Variants in EVC2 observed in about 807,000 individuals in gnomAD.
EVC2 encodes the protein EvC ciliary complex subunit 2, also known as limbin.
Under a neutral mutation model 149.3 loss-of-function variants are expected in EVC2, and 148 were observed. The ratio of observed to expected loss-of-function variants is 0.99; its 90% confidence interval spans 0.87 to 1.14. The LOEUF is 1.14. Among genes scored for constraint, EVC2 ranks in the 50% most tolerant of loss-of-function variants. The pLI, the probability that EVC2 is intolerant of heterozygous loss-of-function variation, is 0.00. For missense variants in EVC2, 1,854 were observed against 1,627.3 expected (o/e 1.14, Z -2.40); for synonymous variants, 776 against 649.9 (o/e 1.19, Z -2.95).
chr4:5,652,477 T>C (rs1577210065), intron 9 of EVC2, among the ~76,000 whole-genome samples: 1 of 152,136 alleles, frequency 6.6e-6, no homozygotes, highest in Non-Finnish European at 1.5e-5. Context: ...ACAAAGTGGG[T>C]GGCTTCAACC....
chr4:5,538,606 A>G (rs896104544), downstream of EVC2, among the ~76,000 whole-genome samples: 2 of 152,190 alleles, frequency 1.3e-5, no homozygotes, highest in Non-Finnish European at 2.9e-5. Context: ...AATAGATTGC[A>G]AAAAAGAATA....
intron 16 of EVC2, among the ~76,000 whole-genome samples, chr4:5,612,764 T>C (rs188158870): frequency 1.2e-4 from 18 of 151,344 alleles, no homozygotes; most frequent in African/African-American, 4.1e-4. Context: ...CTACTAAAAA[T>C]ACAAAAAATT....
intron 9 of EVC2, among the ~76,000 whole-genome samples, chr4:5,662,442 T>A (rs1333630218): frequency 6.8e-6 from 1 of 146,944 alleles, no homozygotes; most frequent in Non-Finnish European, 1.5e-5. Context: ...GTTTATTGAA[T>A]AAACTAATTA....
intron 16 of EVC2, among the ~76,000 whole-genome samples, chr4:5,593,825 G>T (rs1461581595): frequency 6.6e-6 from 1 of 152,164 alleles, no homozygotes; most frequent in Non-Finnish European, 1.5e-5. Context: ...GTCAAAGAAA[G>T]GGGTGACAGA....
rs1238785579 is a variant in EVC2, at chr4:5,689,256, G to C, written c.607C>G (p.Leu203Val). ...CCAGCAATGCTGTCCAGCAAGAGCA[G>C]CTCCGAGAGGTTGGCTGACGAGGTT... ...KTTSSANLSE[L>V]LLLDSIAGLT... Residue 203 changes from leucine to valine, a missense_variant, in exon 5 of 22, where the codon CTG becomes GTG. Coordinates refer to ENST00000344408, the MANE Select transcript of EVC2 (RefSeq NM_147127.5). The C allele has an allele frequency of 6.2e-7, 1 of 1,614,266 alleles. No homozygotes were observed. The highest frequency in any genetic ancestry group is 1.1e-5 in the South Asian group (1 of 91,084).
rs1431034990 is a variant in EVC2 at position 5,637,422 on chromosome 4, C to T, written c.1470+3092G>A. The stretch of plus-strand genomic sequence containing the variant: ...TGTCAAAGTGAGATCCTCTCAGTCC[C>T]TACCTCACTGAGTTGTTGTGAACGC... On this transcript the variant is annotated intron_variant, in intron 10 of 21. Coordinates refer to ENST00000344408, the MANE Select transcript of EVC2 (RefSeq NM_147127.5). The surrounding 1 kb of genome is among the most constrained non-coding windows in gnomAD (Gnocchi z 4.4). 6.6e-6 allele frequency among the ~76,000 whole-genome samples: 1 copy of T among 152,156 alleles called. No individual in the cohort carries two copies. The highest frequency in any genetic ancestry group is 1.9e-4 in the East Asian group (1 of 5,182).
chr4:5,640,628 C>T lies in EVC2; in HGVS notation c.1356G>A (p.Val452=), dbSNP rs1323744449. The part of the protein sequence containing the change: ...EIQEEYDRKM[V]ALTAECDLET... ...CCAGGTCACATTCAGCTGTCAATGC[C>T]ACCATCTTCCGATCGTACTCCTCTT... Residue 452 remains valine, a synonymous_variant, in exon 10 of 22, where the codon GTG becomes GTA. Coordinates refer to ENST00000344408, the MANE Select transcript of EVC2 (RefSeq NM_147127.5). The surrounding 1 kb of genome is among the most constrained non-coding windows in gnomAD (Gnocchi z 4.6). 1.2e-6 allele frequency: 2 copies of T among 1,614,062 alleles called. No individual in the cohort carries two copies. The highest frequency in any genetic ancestry group is 1.1e-5 in the South Asian group (1 of 91,062).
At chr4:5,632,825 C>T (rs1716650418) in intron 10 of EVC2, among the ~76,000 whole-genome samples, 1 of 152,122 alleles carries the variant, frequency 6.6e-6, no homozygotes, top group African/African-American at 2.4e-5. Flanking sequence ...GATATTATCT[C>T]AGAGGGAGCT....
At position 5,614,935 on chromosome 4, in the gene EVC2, C is replaced by A. The variant is rs538500715; in HGVS notation, c.2829+487G>T. Reference sequence around the variant, plus strand: ...GAGGTTGCAGTGAGCCGAGATCACACCACTGCACTCCAGCCTGGGTGACAG... The same window carrying A: ...GAGGTTGCAGTGAGCCGAGATCACAACACTGCACTCCAGCCTGGGTGACAG... On this transcript the variant is annotated intron_variant, in intron 16 of 21. Transcript: ENST00000344408. The surrounding 1 kb of genome is among the most constrained non-coding windows in gnomAD (Gnocchi z 4.7). Among the ~76,000 whole-genome samples the A allele has an allele frequency of 2.9e-4, 44 of 152,226 alleles. No individual in the cohort carries two copies. The Middle Eastern group carries it at 0.014, about 47-fold the overall frequency.
downstream of EVC2, among the ~76,000 whole-genome samples, chr4:5,541,680 C>T (rs1422873731): frequency 3.9e-5 from 6 of 152,150 alleles, no homozygotes; most frequent in African/African-American, 1.4e-4. Context: ...TCCCAGGCCT[C>T]GCAGTGCCTC....
rs192620840 is a variant in EVC2, at chr4:5,662,424, G to C, written c.1145+683C>G. ...AAAATAAATAAAAAAATTGTTATTA[G>C]TTCAATAGTTTATTGAATAAACTAA... On this transcript the variant is annotated intron_variant, in intron 9 of 21. Coordinates refer to ENST00000344408, the MANE Select transcript of EVC2 (RefSeq NM_147127.5). Among the ~76,000 whole-genome samples the C allele has an allele frequency of 1.1e-3, 167 of 146,256 alleles. 1 individual carries two copies. Among genetic ancestry groups the C allele is most frequent in the Non-Finnish European group, 1.5e-4 (10 of 67,116 alleles).
At chr4:5,534,818 G>GAAAA in the EVC2 span, among the ~76,000 whole-genome samples, 36 of 66,672 alleles carry the variant, frequency 5.4e-4, no homozygotes, top group Admixed American at 1.0e-3. Flanking sequence ...CATCTGGTAG[G>GAAAA]AAAAAAAAAA....
At chr4:5,697,932 T>C in intron 1 of EVC2, among the ~76,000 whole-genome samples, 1 of 151,926 alleles carries the variant, frequency 6.6e-6, no homozygotes, top group East Asian at 1.9e-4. Context: ...TTTGTATTTT[T>C]AGTAGAGACG....
At chr4:5,682,176 T>TCAG (rs1720390986) in intron 6 of EVC2, among the ~76,000 whole-genome samples, 2 of 152,034 alleles carry the variant, frequency 1.3e-5, no homozygotes, top group African/African-American at 4.8e-5. Context: ...AGTAGTAACA[T>TCAG]TAGCAGCAGC....
chr4:5,641,523 T>C (rs916155393), intron 9 of EVC2, among the ~76,000 whole-genome samples: 1 of 152,226 alleles, frequency 6.6e-6, no homozygotes, highest in Non-Finnish European at 1.5e-5. Flanking sequence ...AGTCACGGTG[T>C]TCTGAAACCT....
intron 16 of EVC2, among the ~76,000 whole-genome samples, chr4:5,612,312 C>A (rs10001389): frequency 0.1 from 15,634 of 152,162 alleles, 1,618 homozygotes; most frequent in African/African-American, 0.26. Context: ...TGGATAAACT[C>A]TTGAAAACTG....
At chr4:5,561,113 T>G (rs544066256), downstream of EVC2, among the ~76,000 whole-genome samples, 3 of 152,328 alleles carry the variant, frequency 2.0e-5, no homozygotes, top group South Asian at 6.2e-4. Flanking sequence ...AATTTTTGCA[T>G]GCAATCTACT....
intron 21 of EVC2, among the ~76,000 whole-genome samples, chr4:5,551,268 G>A (rs113659758): frequency 1.3e-5 from 2 of 152,324 alleles, no homozygotes; most frequent in Admixed American, 6.5e-5. Context: ...CAGCCAGGAG[G>A]GGGGCTGTGC....
At position 5,697,645 on chromosome 4, in the gene EVC2, G is replaced by A. The variant is rs776531365; in HGVS notation, c.231C>T (p.Asp77=). The change falls in exon 2 of 22, where the codon GAC becomes GAT. Residue 77 remains aspartate (D), a splice_region_variant and synonymous_variant. Transcript: ENST00000344408. ...SGAGPESSTQ[D]LPCMIWPKVE... ...CTTTGGGCCAAATCATACAGGGCAA[G>A]TCCTAAAAAATTCAAGACACAAAGT... is the stretch of plus-strand genomic sequence containing the variant. 6.2e-7 allele frequency: 1 copy of A among 1,613,978 alleles called. No homozygotes were observed. The highest frequency in any genetic ancestry group is 1.1e-5 in the South Asian group (1 of 91,074).
Sources: gnomAD v4.1 joint callset for allele counts (sites outside exome capture counted in the v4.1 genomes callset) on GRCh38, gnomAD v4.1.1 for gene constraint, Gnocchi (gnomAD v3.1) non-coding constraint, MANE v1.5 for transcripts, NCBI Gene and HGNC (gene_info 2026-07-23, HGNC 2026-07-21) for gene names.